The following ILK variants were observed in gnomAD, a reference collection of about 807,000 sequenced individuals.
The protein encoded by ILK is integrin linked kinase, also known as scaffold protein ILK.
Under a neutral mutation model 57.8 loss-of-function variants are expected in ILK, and 37 were observed. The ratio of observed to expected loss-of-function variants is 0.64; its 90% CI spans 0.49 to 0.84. The LOEUF (loss-of-function observed/expected upper bound fraction) is 0.84. Among genes scored for constraint, ILK ranks in the 40% least tolerant of loss-of-function variants. The pLI is 0.00. For synonymous variants in ILK, 231 were observed against 202.2 expected (o/e 1.14, Z -1.21); for missense variants, 528 against 595.7 (o/e 0.89, Z 1.18).
rs1179003451 is a variant in ILK, at chr11:6,604,012, AGACACTACCTCTTC to A, written c.-92-166_-92-153del. ...GCCTGCTCTCGGACATCCGTTCAGC[AGACACTACCTCTTC>A]GTCACCCCCTGCCCACCCTGACCCG... is the stretch of plus-strand genomic sequence containing the variant. On this transcript the variant is annotated intron_variant, in intron 1 of 12. Transcript: ENST00000299421. The A allele has an allele frequency of 1.2e-5, 7 of 583,722 alleles. No homozygotes were observed. The Admixed American group carries it at 2.1e-4, about 17-fold the overall frequency. The allele number at this position is 583,722 out of a possible 1,614,324, so 36.2% of individuals were successfully genotyped here. A position where few individuals can be genotyped will look rare whatever the true frequency, so the allele number is the denominator to read the frequency against.
Position 6,609,539 on chromosome 11 carries a change from A to T in ILK, c.756A>T (p.Pro252=). The T allele has an allele frequency of 6.2e-7, 1 of 1,614,072 alleles. No homozygotes were observed. The highest frequency in any genetic ancestry group is 8.5e-7 in the Non-Finnish European group (1 of 1,179,994). ...LRIFSHPNVL[P]VLGACQSPPA... ...TTTTCTCGCATCCAAATGTGCTCCC[A>T]GTGCTAGGTGCCTGCCAGTCTCCAC... The change falls in exon 9 of 13, where the codon CCA becomes CCT. Residue 252 remains proline, a synonymous_variant. Transcript: ENST00000299421.
chr11:6,608,272 A>C lies in ILK; in HGVS notation c.255+61A>C, dbSNP rs1001718645. 8.2e-6 allele frequency: 13 copies of C among 1,588,708 alleles called. No homozygotes were observed. In the African/African-American group the frequency reaches 1.3e-4, roughly 16 times the overall value. ...CATGCCATGAGGGTCAGTCACAGGCACTGTAACATACAGTAGAAAGCATGT... is the reference window on the plus strand; with the variant it reads ...CATGCCATGAGGGTCAGTCACAGGCCCTGTAACATACAGTAGAAAGCATGT... On this transcript the variant is annotated intron_variant, in intron 3 of 12. Coordinates refer to ENST00000299421, the MANE Select transcript of ILK (RefSeq NM_004517.4). The surrounding 1 kb of genome is among the most constrained non-coding windows in gnomAD (Gnocchi z 4.9).
Position 6,608,536 on chromosome 11 carries a change from T to G in ILK, c.351+47T>G. The G allele has an allele frequency of 6.6e-7, 1 of 1,518,840 alleles. No individual in the cohort carries two copies. Among genetic ancestry groups the G allele is most frequent in the Non-Finnish European group, 9.1e-7 (1 of 1,093,162 alleles). 94.1% of individuals were successfully genotyped at this position (1,518,840 alleles called of 1,614,324 possible). ...CCTGAGATGGGTAGGAAGTAAAGTC[T>G]GAGCCTTGGTGGGAGATTTTGGAAC... On this transcript the variant is annotated intron_variant, in intron 4 of 12. Transcript: ENST00000299421. The surrounding 1 kb of genome is among the most constrained non-coding windows in gnomAD (Gnocchi z 4.9).
In ILK at chr11:6,608,160, C is replaced by T. The variant is rs1855122941; in HGVS notation, c.204C>T (p.Asp68=). The T allele has an allele frequency of 6.2e-7, 1 of 1,614,030 alleles. No individual in the cohort carries two copies. The highest frequency in any genetic ancestry group is 1.3e-5 in the African/African-American group (1 of 74,902). Residue 68 remains aspartate, a synonymous_variant, in exon 3 of 13, where the codon GAC becomes GAT. Coordinates refer to ENST00000299421, the MANE Select transcript of ILK (RefSeq NM_004517.4). This position sits in a 1 kb window ranked among gnomAD's most constrained non-coding sequence, Gnocchi z 4.9. Reference sequence around the variant, plus strand: ...TCAATGTAATGAACCGTGGGGATGACACCCCCCTGCATCTGGCAGCCAGTC... The same window carrying T: ...TCAATGTAATGAACCGTGGGGATGATACCCCCCTGCATCTGGCAGCCAGTC... ...ARINVMNRGD[D]TPLHLAASHG...
intron 2 of ILK, chr11:6,607,740 A>G (rs776278545): frequency 2.4e-6 from 1 of 423,178 alleles, no homozygotes; most frequent in African/African-American, 2.0e-5. Context: ...GGACCAATAG[A>G]TGTTGCAGAA....
chr11:6,604,019 A>G, intron 1 of ILK, 161 bp from the exon 2 acceptor site: 1 of 588,576 alleles, frequency 1.7e-6, no homozygotes, highest in East Asian at 2.9e-5. Flanking sequence ...AGCAGACACT[A>G]CCTCTTCGTC....
chr11:6,607,448 A>G (rs1855038219), intron 2 of ILK: 1 of 160,302 alleles, frequency 6.2e-6, no homozygotes, highest in African/African-American at 2.4e-5. Flanking sequence ...CCTTTTCAAC[A>G]TAAACCCTTC....
chr11:6,604,101 G>C (rs1046383490), intron 1 of ILK, 79 bp from the exon 2 acceptor site: 5 of 671,944 alleles, frequency 7.4e-6, no homozygotes, highest in Admixed American at 2.1e-5. Context: ...CCGCAGCCCC[G>C]AACTCCTTCA....
At chr11:6,605,499 G>A (rs1854794976) in intron 2 of ILK, among the ~76,000 whole-genome samples, 1 of 146,932 alleles carries the variant, frequency 6.8e-6, no homozygotes, top group South Asian at 2.1e-4. Flanking sequence ...AGTAGCCATT[G>A]AATTTACAGT....
In ILK at chr11:6,608,489, G is replaced by A; in HGVS notation, c.351G>A (p.Glu117=). 6.2e-7 allele frequency: 1 copy of A among 1,611,578 alleles called. No individual in the cohort carries two copies. The highest frequency in any genetic ancestry group is 8.5e-7 in the Non-Finnish European group (1 of 1,177,642). ...TTTGGGGCCAAGATCAAGTGGCAGA[G>A]GTGAGTACTCAGCCCTTAATTCCTG... ...ACFWGQDQVA[E]DLVANGALVS... The change falls in exon 4 of 13, where the codon GAG becomes GAA. Residue 117 remains glutamate (E), a splice_region_variant and synonymous_variant. Transcript: ENST00000299421. This position sits in a 1 kb window ranked among gnomAD's most constrained non-coding sequence, Gnocchi z 4.9.
In ILK at chr11:6,603,794, C is replaced by G. The variant is rs1854537233; in HGVS notation, c.-121C>G. On this transcript the variant is annotated 5_prime_UTR_variant, in exon 1 of 13. Transcript: ENST00000299421. The stretch of plus-strand genomic sequence containing the variant: ...CGGGCGCGGCCGGACGGGAGTTCCC[C>G]GGAGAAGGATCCTGCAGCCCGAGTC... 1 of 362,386 alleles carries G rather than the reference C, an allele frequency of 2.8e-6. No individual in the cohort carries two copies. The highest frequency in any genetic ancestry group is 4.9e-6 in the Non-Finnish European group (1 of 202,594). The allele number at this position is 362,386 out of a possible 1,614,324, so 22.4% of individuals were successfully genotyped here. A position where few individuals can be genotyped will look rare whatever the true frequency, so the allele number is the denominator to read the frequency against.
chr11:6,608,456 T>C lies in ILK; in HGVS notation c.318T>C (p.Tyr106=). The C allele has an allele frequency of 6.2e-7, 1 of 1,614,176 alleles. No individual in the cohort carries two copies. The highest frequency in any genetic ancestry group is 8.5e-7 in the Non-Finnish European group (1 of 1,179,976). Residue 106 remains tyrosine (Y), a synonymous_variant, in exon 4 of 13, where the codon TAT becomes TAC. Coordinates refer to ENST00000299421, the MANE Select transcript of ILK (RefSeq NM_004517.4). This position sits in a 1 kb window ranked among gnomAD's most constrained non-coding sequence, Gnocchi z 4.9. Reference sequence around the variant, plus strand: ...AACACGGGAATGTGCCCCTGCACTATGCCTGTTTTTGGGGCCAAGATCAAG... The same window carrying C: ...AACACGGGAATGTGCCCCTGCACTACGCCTGTTTTTGGGGCCAAGATCAAG... ...VNEHGNVPLH[Y]ACFWGQDQVA...
At chr11:6,604,549 A>G in intron 2 of ILK, 189 bp downstream of exon 2, 1 of 667,976 alleles carries the variant, frequency 1.5e-6, no homozygotes, top group Non-Finnish European at 2.7e-6. Context: ...GCAGAATAAG[A>G]GTTTCACAGG....
At chr11:6,610,362 T>C in intron 12 of ILK, 84 bp downstream of exon 12, 1 of 1,613,014 alleles carries the variant, frequency 6.2e-7, no homozygotes, top group Non-Finnish European at 8.5e-7. Context: ...GCTCCTCACA[T>C]ATTTGTTCGG....
chr11:6,610,108 C>A, intron 11 of ILK, 40 bp from the exon 12 acceptor site: 1 of 1,614,042 alleles, frequency 6.2e-7, no homozygotes, highest in Non-Finnish European at 8.5e-7. Context: ...AGAGACAGGA[C>A]AGGCAAGGGG....
Position 6,609,517 on chromosome 11 carries a change from T to C in ILK, c.734T>C (p.Phe245Ser). Reference protein sequence around the residue: ...FNEECPRLRIFSHPNVLPVLG... With the variant: ...FNEECPRLRISSHPNVLPVLG... ...CCACTCCCTCCCTCTTCTAGGATTT[T>C]CTCGCATCCAAATGTGCTCCCAGTG... is the stretch of plus-strand genomic sequence containing the variant. The change falls in exon 9 of 13, where the codon TTC becomes TCC. Residue 245 changes from phenylalanine to serine, a missense_variant. By Grantham distance (155) the Phe-to-Ser change is radical. Transcript: ENST00000299421. The C allele has an allele frequency of 1.2e-6, 2 of 1,614,142 alleles. No homozygotes were observed. The highest frequency in any genetic ancestry group is 1.1e-5 in the South Asian group (1 of 91,078).
Position 6,609,127 on chromosome 11 carries a change from A to C in ILK, c.589A>C (p.Thr197Pro). The C allele has an allele frequency of 6.2e-7, 1 of 1,614,158 alleles. No individual in the cohort carries two copies. The highest frequency in any genetic ancestry group is 1.3e-5 in the African/African-American group (1 of 75,054). The change falls in exon 7 of 13, where the codon ACG becomes CCG. Residue 197 changes from threonine (T) to proline (P), a missense_variant. Coordinates refer to ENST00000299421, the MANE Select transcript of ILK (RefSeq NM_004517.4). The part of the protein sequence containing the change: ...GIDFKQLNFL[T>P]KLNENHSGEL... ...TGACTTCAAACAGCTTAACTTCCTGACGAAGCTCAACGAGAATCACTCTGG... is the reference window on the plus strand; with the variant it reads ...TGACTTCAAACAGCTTAACTTCCTGCCGAAGCTCAACGAGAATCACTCTGG...
At position 6,603,786 on chromosome 11, in the gene ILK, G is replaced by A. The variant is rs11607058; in HGVS notation, c.-129G>A. ...GCGGGCTGCGGGCGCGGCCGGACGGGAGTTCCCCGGAGAAGGATCCTGCAG... is the reference window on the plus strand; with the variant it reads ...GCGGGCTGCGGGCGCGGCCGGACGGAAGTTCCCCGGAGAAGGATCCTGCAG... On this transcript the variant is annotated 5_prime_UTR_variant, in exon 1 of 13. Coordinates refer to ENST00000299421, the MANE Select transcript of ILK (RefSeq NM_004517.4). 2.7e-6 allele frequency: 1 copy of A among 368,714 alleles called. No homozygotes were observed. The highest frequency in any genetic ancestry group is 5.1e-5 in the South Asian group (1 of 19,428). The allele number at this position is 368,714 out of a possible 1,614,324, so 22.8% of individuals were successfully genotyped here. A position where few individuals can be genotyped will look rare whatever the true frequency, so the allele number is the denominator to read the frequency against.
At chr11:6,604,726 T>C in intron 2 of ILK, 1 of 473,514 alleles carries the variant, frequency 2.1e-6, no homozygotes, top group Non-Finnish European at 4.0e-6. Flanking sequence ...GAACAGGACA[T>C]AAGACTGTAG....
Sources: allele counts gnomAD v4.1 joint callset (sites outside exome capture counted in the v4.1 genomes callset), GRCh38; gene constraint gnomAD v4.1.1; non-coding constraint Gnocchi (gnomAD v3.1); transcripts MANE v1.5; gene names NCBI Gene and HGNC (gene_info 2026-07-23, HGNC 2026-07-21).